Variants in KCNAB3 observed in about 807,000 individuals in gnomAD.
KCNAB3 encodes the protein voltage-gated potassium channel subunit beta-3.
Under a neutral mutation model 67.7 loss-of-function variants are expected in KCNAB3, and 62 were observed. That is an observed-to-expected ratio of 0.92 (90% CI 0.75 to 1.13). The LOEUF is 1.13. Among genes scored for constraint, KCNAB3 ranks in the 50% most tolerant of loss-of-function variants. KCNAB3 has a pLI of 0.00. For synonymous variants in KCNAB3, 212 were observed against 205.4 expected (o/e 1.03, Z -0.27); for missense variants, 514 against 522.9 (o/e 0.98, Z 0.17).
At chr17:7,923,926 C>T in intron 11 of KCNAB3, 42 bp downstream of exon 11, 7 of 1,590,066 alleles carry the variant, frequency 4.4e-6, no homozygotes, top group Non-Finnish European at 6.0e-6. Flanking sequence ...CCAAAGCAGC[C>T]CATATAGCCC....
Position 7,922,838 on chromosome 17 carries a change from G to A in KCNAB3, c.*264C>T, listed in dbSNP as rs1472561183. On this transcript the variant is annotated 3_prime_UTR_variant, in exon 14 of 14. Transcript: ENST00000303790. ...GACGAAGTGGCAGAGAGCCGACGGC[G>A]AGTAGCTCATGCCCGGGATTTGCAA... 7.5e-6 allele frequency: 4 copies of A among 536,204 alleles called. No homozygotes were observed. The highest frequency in any genetic ancestry group is 6.2e-5 in the Admixed American group (2 of 32,058). The allele number at this position is 536,204 out of a possible 1,614,324, so 33.2% of individuals were successfully genotyped here.
At chr17:7,926,704 T>A (rs1972244859) in intron 4 of KCNAB3, among the ~76,000 whole-genome samples, 1 of 152,174 alleles carries the variant, frequency 6.6e-6, no homozygotes, top group Non-Finnish European at 1.5e-5. Flanking sequence ...TTTAACCACT[T>A]AGACTGTGTG....
intron 13 of KCNAB3, 27 bp from the exon 14 acceptor site, chr17:7,923,206 G>A (rs1237103492): frequency 3.7e-6 from 6 of 1,606,174 alleles, no homozygotes; most frequent in Admixed American, 1.7e-5. Context: ...CGGTGGCGAC[G>A]GCAGCCCATG....
rs1045943952 is a variant in KCNAB3, at chr17:7,922,973, C to T, written c.*129G>A. The T allele has an allele frequency of 3.7e-6, 3 of 814,540 alleles. No homozygotes were observed. Among genetic ancestry groups the T allele is most frequent in the East Asian group, 4.9e-5 (2 of 40,464 alleles). The allele number at this position is 814,540 out of a possible 1,614,324, so 50.5% of individuals were successfully genotyped here. A position where few individuals can be genotyped will look rare whatever the true frequency, so the allele number is the denominator to read the frequency against. ...CGTATCACTACTCGAAGCCGGGACT[C>T]GTTGGTGGGCGGGGCTAGTCTGGCT... On this transcript the variant is annotated 3_prime_UTR_variant, in exon 14 of 14. Coordinates refer to ENST00000303790, the MANE Select transcript of KCNAB3 (RefSeq NM_004732.4).
rs768967427 is a variant in KCNAB3, at chr17:7,924,059, A to G, written c.836T>C (p.Val279Ala). 27 of 1,613,784 alleles carry G rather than the reference A, an allele frequency of 1.7e-5. No individual in the cohort carries two copies. In the African/African-American group the frequency reaches 2.4e-4, roughly 14 times the overall value. The change falls in exon 11 of 14, where the codon GTT becomes GCT. Residue 279 changes from valine to alanine, a missense_variant. Physicochemically the swap from Val to Ala is moderately conservative, Grantham distance 64. Transcript: ENST00000303790. ...QLPELYHKIG[V>A]GSVTWYPLAC... ...TAGAGGGTACCAAGTGACTGATCCA[A>G]CTCCTAAGGGAAGAACACTGGGTGT...
intron 4 of KCNAB3, 79 bp downstream of exon 4, chr17:7,927,265 A>T: frequency 2.2e-6 from 3 of 1,343,742 alleles, no homozygotes; most frequent in Non-Finnish European, 3.2e-6. Context: ...AGGGTTCTTT[A>T]GAGGGAAAAC....
chr17:7,923,628 C>G, intron 12 of KCNAB3, 83 bp downstream of exon 12: 1 of 1,553,020 alleles, frequency 6.4e-7, no homozygotes, highest in East Asian at 2.4e-5. Flanking sequence ...GACAAGCGTC[C>G]TCCCTAGGGA....
Position 7,929,445 on chromosome 17 carries a change from C to T in KCNAB3, c.-10G>A, listed in dbSNP as rs1480654578. The T allele has an allele frequency of 9.1e-6, 14 of 1,544,494 alleles. No individual in the cohort carries two copies. The highest frequency in any genetic ancestry group is 2.5e-5 in the East Asian group (1 of 40,762). ...CGATAGACACCTGCATGCTGGCTGGCCGAGGCGGGGGAGGGGGCTCCGAGG... is the reference window on the plus strand; with the variant it reads ...CGATAGACACCTGCATGCTGGCTGGTCGAGGCGGGGGAGGGGGCTCCGAGG... On this transcript the variant is annotated 5_prime_UTR_variant, in exon 1 of 14. Transcript: ENST00000303790. The surrounding 1 kb of genome is among the most constrained non-coding windows in gnomAD (Gnocchi z 5.7).
In KCNAB3 at chr17:7,929,729, G is replaced by A. The variant is rs1215959442; in HGVS notation, c.-294C>T. 2.6e-5 allele frequency: 34 copies of A among 1,296,124 alleles called. No homozygotes were observed. The highest frequency in any genetic ancestry group is 3.3e-5 in the Non-Finnish European group (34 of 1,017,518). The allele number at this position is 1,296,124 out of a possible 1,614,324, so 80.3% of individuals were successfully genotyped here. On this transcript the variant is annotated 5_prime_UTR_variant, in exon 1 of 14. Transcript: ENST00000303790. This position sits in a 1 kb window ranked among gnomAD's most constrained non-coding sequence, Gnocchi z 5.7. Reference sequence around the variant, plus strand: ...GGGGAAATGGATGAGGGTAAAGGTCGAGGATGAGGTAAAGGTCTCGGAGGA... The same window carrying A: ...GGGGAAATGGATGAGGGTAAAGGTCAAGGATGAGGTAAAGGTCTCGGAGGA...
chr17:7,929,675 A>C lies in KCNAB3; in HGVS notation c.-240T>G. 1.5e-6 allele frequency: 2 copies of C among 1,338,736 alleles called. No individual in the cohort carries two copies. Among genetic ancestry groups the C allele is most frequent in the Non-Finnish European group, 1.9e-6 (2 of 1,043,148 alleles). The allele number at this position is 1,338,736 out of a possible 1,614,324, so 82.9% of individuals were successfully genotyped here. ...GCGCCAGGAGTGGAGATATTCAGTT[A>C]CGGGGGACACAGGAGCAAGGATTAG... On this transcript the variant is annotated 5_prime_UTR_variant, in exon 1 of 14. Transcript: ENST00000303790. The surrounding 1 kb of genome is among the most constrained non-coding windows in gnomAD (Gnocchi z 5.7).
chr17:7,925,955 G>T lies in KCNAB3; in HGVS notation c.470C>A (p.Thr157Asn). 6.2e-7 allele frequency: 1 copy of T among 1,613,156 alleles called. No homozygotes were observed. The highest frequency in any genetic ancestry group is 2.2e-5 in the East Asian group (1 of 44,844). Residue 157 changes from threonine (T) to asparagine (N), a missense_variant, in exon 6 of 14, where the codon ACT (threonine) becomes AAT (asparagine). Coordinates refer to ENST00000303790, the MANE Select transcript of KCNAB3 (RefSeq NM_004732.4). ...CTGTCCTCCCCAAAAAATCTTGGTA[G>T]TGATGACATAGCTTGATCTCCTGGA... Reference protein sequence around the residue: ...KGWRRSSYVITTKIFWGGQAE... With the variant: ...KGWRRSSYVINTKIFWGGQAE...
chr17:7,929,263 A>G lies in KCNAB3; in HGVS notation c.173T>C (p.Val58Ala). ...GSGPKARAAL[V>A]PRPPAPAGAL... ...CCCAGCGGGCGCTGGGGGTCGGGGA[A>G]CCAGTGCAGCTCGGGCCTTGGGGCC... Residue 58 changes from valine (V) to alanine (A), a missense_variant, in exon 1 of 14, where the codon GTT (valine) becomes GCT (alanine). By Grantham distance (64) the Val-to-Ala change is moderately conservative (BLOSUM62 0). Coordinates refer to ENST00000303790, the MANE Select transcript of KCNAB3 (RefSeq NM_004732.4). The surrounding 1 kb of genome is among the most constrained non-coding windows in gnomAD (Gnocchi z 5.7). 1 of 1,606,068 alleles carries G rather than the reference A, an allele frequency of 6.2e-7. No homozygotes were observed. Among genetic ancestry groups the G allele is most frequent in the East Asian group, 2.2e-5 (1 of 44,542 alleles).
Position 7,922,983 on chromosome 17 carries a change from CG to C in KCNAB3, c.*118del. On this transcript the variant is annotated 3_prime_UTR_variant, in exon 14 of 14. Transcript: ENST00000303790. ...CTCGAAGCCGGGACTCGTTGGTGGG[CG>C]GGGCTAGTCTGGCTCCGGCCGCTGC... 1.1e-6 allele frequency: 1 copy of C among 887,706 alleles called. No homozygotes were observed. Among genetic ancestry groups the C allele is most frequent in the South Asian group, 1.4e-5 (1 of 72,292 alleles). The allele number at this position is 887,706 out of a possible 1,614,324, so 55.0% of individuals were successfully genotyped here. A position where few individuals can be genotyped will look rare whatever the true frequency, so the allele number is the denominator to read the frequency against.
chr17:7,928,921 C>T lies in KCNAB3; in HGVS notation c.242+273G>A, dbSNP rs191972279. Among the ~76,000 whole-genome samples, 872 of 152,306 alleles carry T rather than the reference C, an allele frequency of 5.7e-3. 11 individuals are homozygous for T. Among genetic ancestry groups the T allele is most frequent in the African/African-American group, 0.019 (808 of 41,564 alleles). ...GTGTAGCGTGGAGATCCATGCATCC[C>T]TGACCTTCCCAGGGGTAAGGAGGGA... On this transcript the variant is annotated intron_variant, in intron 1 of 13. Coordinates refer to ENST00000303790, the MANE Select transcript of KCNAB3 (RefSeq NM_004732.4).
chr17:7,924,887 G>A (rs1167048447), intron 8 of KCNAB3: 1 of 574,322 alleles, frequency 1.7e-6, no homozygotes, highest in Non-Finnish European at 3.0e-6. Context: ...GGAGTACAAG[G>A]CACACACCAC....
In KCNAB3 at chr17:7,923,839, C is replaced by T. The variant is rs373292804; in HGVS notation, c.928-8G>A. 6.4e-7 allele frequency: 1 copy of T among 1,569,426 alleles called. No individual in the cohort carries two copies. The highest frequency in any genetic ancestry group is 8.6e-7 in the Non-Finnish European group (1 of 1,157,140). On this transcript the variant is annotated splice_region_variant and splice_polypyrimidine_tract_variant and intron_variant, in intron 11 of 13. Coordinates refer to ENST00000303790, the MANE Select transcript of KCNAB3 (RefSeq NM_004732.4). ...CTTGAGCCACTGGTAGCCCTGGAGG[C>T]CAAGAAGAATCAACAGAAGACCCCG...
rs769375752 is a variant in KCNAB3 at position 7,923,153 on chromosome 17, T to C, written c.1164A>G (p.Thr388=). The change falls in exon 14 of 14, where the codon ACA becomes ACG. Residue 388 remains threonine, a synonymous_variant. Coordinates refer to ENST00000303790, the MANE Select transcript of KCNAB3 (RefSeq NM_004732.4). The part of the protein sequence containing the change: ...LQVLSQLTPQ[T]VMEIDGLLGN... Reference sequence around the variant, plus strand: ...CCAGGAGCCCGTCTATTTCCATCACTGTCTGCGGGGTCAGCTGGCTCAGCA... The same window carrying C: ...CCAGGAGCCCGTCTATTTCCATCACCGTCTGCGGGGTCAGCTGGCTCAGCA... The C allele has an allele frequency of 3.1e-6, 5 of 1,614,146 alleles. No individual in the cohort carries two copies. Among genetic ancestry groups the C allele is most frequent in the Admixed American group, 1.7e-5 (1 of 60,018 alleles).
rs1972084455 is a variant in KCNAB3, at chr17:7,922,967, G to T, written c.*135C>A. 5 of 780,828 alleles carry T rather than the reference G, an allele frequency of 6.4e-6. No individual in the cohort carries two copies. Among genetic ancestry groups the T allele is most frequent in the Admixed American group, 6.0e-5 (3 of 50,390 alleles). The allele number at this position is 780,828 out of a possible 1,614,324, so 48.4% of individuals were successfully genotyped here. On this transcript the variant is annotated 3_prime_UTR_variant, in exon 14 of 14. Coordinates refer to ENST00000303790, the MANE Select transcript of KCNAB3 (RefSeq NM_004732.4). ...TTCATGCGTATCACTACTCGAAGCC[G>T]GGACTCGTTGGTGGGCGGGGCTAGT...
At position 7,929,036 on chromosome 17, in the gene KCNAB3, G is replaced by C; in HGVS notation, c.242+158C>G. The C allele has an allele frequency of 8.4e-7, 1 of 1,189,504 alleles. No homozygotes were observed. Among genetic ancestry groups the C allele is most frequent in the Non-Finnish European group, 1.2e-6 (1 of 863,072 alleles). The allele number at this position is 1,189,504 out of a possible 1,614,324, so 73.7% of individuals were successfully genotyped here. A position where few individuals can be genotyped will look rare whatever the true frequency, so the allele number is the denominator to read the frequency against. ...TCAGGGGTATCGACAGAAACCAAGAGAGGGACAAAGTGAGGGAGTGCCAGA... is the reference window on the plus strand; with the variant it reads ...TCAGGGGTATCGACAGAAACCAAGACAGGGACAAAGTGAGGGAGTGCCAGA... On this transcript the variant is annotated intron_variant, in intron 1 of 13. Transcript: ENST00000303790. The surrounding 1 kb of genome is among the most constrained non-coding windows in gnomAD (Gnocchi z 5.7).
Sources: allele counts gnomAD v4.1 joint callset (sites outside exome capture counted in the v4.1 genomes callset), GRCh38; gene constraint gnomAD v4.1.1; non-coding constraint Gnocchi (gnomAD v3.1); transcripts MANE v1.5; gene names NCBI Gene and HGNC (gene_info 2026-07-23, HGNC 2026-07-21).